Variants in G2E3 observed in about 807,000 individuals in gnomAD.
G2E3 encodes the protein G2/M phase-specific E3 ubiquitin-protein ligase.
G2E3 carries 35 observed loss-of-function variants against 92.8 expected under a neutral mutation model. The ratio of observed to expected loss-of-function variants is 0.38; its 90% CI spans 0.29 to 0.50. The LOEUF is 0.50. Ranked by LOEUF, G2E3 falls within the 20% of genes least tolerant of loss-of-function variation. The pLI is 0.94. For missense variants in G2E3, 554 were observed against 823.8 expected (o/e 0.67, Z 4.01); for synonymous variants, 242 against 272.4 (o/e 0.89, Z 1.10).
chr14:30,601,610 A>G (rs1490968244), intron 8 of G2E3, among the ~76,000 whole-genome samples, 160 bp from the exon 9 acceptor site: 1 of 152,224 alleles, frequency 6.6e-6, no homozygotes, highest in Non-Finnish European at 1.5e-5. Context: ...TTTACATTAG[A>G]GATATTTAGA....
chr14:30,610,135 G>A (rs533481496), intron 12 of G2E3, among the ~76,000 whole-genome samples: 1 of 152,018 alleles, frequency 6.6e-6, no homozygotes, highest in Non-Finnish European at 1.5e-5. Flanking sequence ...TCCAGTTTCT[G>A]TACTTTTTAT....
chr14:30,578,924 G>A lies in G2E3; in HGVS notation c.-4-2152G>A, dbSNP rs564500665. ...TGTTTAAAAGATTTTATTTTCCCTCGTTGAATTGCTTTGGTGTCTTTGTTG... is the reference window on the plus strand; with the variant it reads ...TGTTTAAAAGATTTTATTTTCCCTCATTGAATTGCTTTGGTGTCTTTGTTG... On this transcript the variant is annotated intron_variant, in intron 1 of 14. Coordinates refer to ENST00000206595, the MANE Select transcript of G2E3 (RefSeq NM_017769.5). Among the ~76,000 whole-genome samples the A allele has an allele frequency of 2.6e-5, 4 of 152,008 alleles. No individual in the cohort carries two copies. The South Asian group carries it at 6.2e-4, about 24-fold the overall frequency.
At chr14:30,569,341 A>C (rs546396191) in intron 1 of G2E3, among the ~76,000 whole-genome samples, 46 of 152,076 alleles carry the variant, frequency 3.0e-4, no homozygotes, top group Non-Finnish European at 6.2e-4. Context: ...TAAGAACCCT[A>C]ATAGGTAGGT....
At chr14:30,594,364 T>C (rs1881165642) in intron 6 of G2E3, among the ~76,000 whole-genome samples, 1 of 152,176 alleles carries the variant, frequency 6.6e-6, no homozygotes, top group Non-Finnish European at 1.5e-5. Flanking sequence ...AAGGTTATTA[T>C]TACTAATTGT....
At chr14:30,594,554 A>G (rs908167734) in intron 6 of G2E3, among the ~76,000 whole-genome samples, 13 of 151,902 alleles carry the variant, frequency 8.6e-5, no homozygotes, top group Non-Finnish European at 1.9e-4. Flanking sequence ...TTAGCCGGGC[A>G]TGGTGGCGGG....
At chr14:30,599,048 GTT>G (rs964534485) in intron 8 of G2E3, among the ~76,000 whole-genome samples, 1 of 152,128 alleles carries the variant, frequency 6.6e-6, no homozygotes, top group South Asian at 2.1e-4. Context: ...GACAGGTTTG[GTT>G]TTTTCTGAGG....
At chr14:30,566,440 A>G (rs561099761) in intron 1 of G2E3, among the ~76,000 whole-genome samples, 1 of 152,334 alleles carries the variant, frequency 6.6e-6, no homozygotes, top group Non-Finnish European at 1.5e-5. Context: ...TGTAGTTTTC[A>G]GTGCAAAAAT....
chr14:30,580,926 A>G (rs1880397671), intron 1 of G2E3, 150 bp from the exon 2 acceptor site: 1 of 595,324 alleles, frequency 1.7e-6, no homozygotes. Flanking sequence ...GTTGAGAACT[A>G]CTGATCTTAG....
chr14:30,615,255 T>G (rs1310214021), intron 13 of G2E3, 94 bp from the exon 14 acceptor site: 2 of 633,036 alleles, frequency 3.2e-6, no homozygotes, highest in Non-Finnish European at 5.3e-6. Flanking sequence ...TTAGCTGTTT[T>G]GAAAACATGC....
chr14:30,616,313 A>T lies in G2E3; in HGVS notation c.1900A>T (p.Ile634Phe), dbSNP rs765992747. The stretch of plus-strand genomic sequence containing the variant: ...TACAACAACAATGGAAGACATTCTT[A>T]TTTTTGCAACTGGTTGCAGTTCCAT... ...KSTTTMEDIL[I>F]FATGCSSIPP... Residue 634 changes from isoleucine to phenylalanine, a missense_variant, in exon 15 of 15, where the codon ATT becomes TTT. This residue lies in a region of G2E3 where 397 missense variants were observed against 560.3 expected (regional missense o/e 0.71). Coordinates refer to ENST00000206595, the MANE Select transcript of G2E3 (RefSeq NM_017769.5). The T allele has an allele frequency of 1.2e-6, 2 of 1,609,624 alleles. No homozygotes were observed. Among genetic ancestry groups the T allele is most frequent in the South Asian group, 2.2e-5 (2 of 90,878 alleles).
intron 1 of G2E3, among the ~76,000 whole-genome samples, chr14:30,578,124 G>C (rs1880223797): frequency 1.3e-5 from 2 of 151,848 alleles, no homozygotes; most frequent in Admixed American, 6.6e-5. Flanking sequence ...GTTTTGTTTT[G>C]GAGACTTGTT....
chr14:30,616,671 A>C lies in G2E3; in HGVS notation c.*137A>C, dbSNP rs1882330585. 1 of 650,142 alleles carries C rather than the reference A, an allele frequency of 1.5e-6. No individual in the cohort carries two copies. The highest frequency in any genetic ancestry group is 3.4e-5 in the Admixed American group (1 of 29,502). The allele number at this position is 650,142 out of a possible 1,614,324, so 40.3% of individuals were successfully genotyped here. ...TAATAAAATTTATGATATGAATATA[A>C]AGGAATATTATAGCCACTTAGGCTA... On this transcript the variant is annotated 3_prime_UTR_variant, in exon 15 of 15. Coordinates refer to ENST00000206595, the MANE Select transcript of G2E3 (RefSeq NM_017769.5).
At chr14:30,577,240 A>AAG (rs1008703035) in intron 1 of G2E3, among the ~76,000 whole-genome samples, 5 of 148,416 alleles carry the variant, frequency 3.4e-5, no homozygotes, top group East Asian at 3.9e-4. Context: ...AAAAAAAAAA[A>AAG]AAAGAAAAAG....
chr14:30,616,287 C>T lies in G2E3; in HGVS notation c.1874C>T (p.Ser625Phe). ...SYLQAVEDGK[S>F]TTTMEDILIF... ...TGGTAAATTTTTTCAGATGGTAAAT[C>T]TACAACAACAATGGAAGACATTCTT... The change falls in exon 15 of 15, where the codon TCT becomes TTT. Residue 625 changes from serine to phenylalanine, a missense_variant. Transcript: ENST00000206595. The T allele has an allele frequency of 6.2e-7, 1 of 1,605,478 alleles. No homozygotes were observed. Among genetic ancestry groups the T allele is most frequent in the Non-Finnish European group, 8.5e-7 (1 of 1,173,120 alleles).
chr14:30,575,774 A>G (rs1880046326), intron 1 of G2E3, among the ~76,000 whole-genome samples: 1 of 152,220 alleles, frequency 6.6e-6, no homozygotes, highest in African/African-American at 2.4e-5. Flanking sequence ...CACAGTGGCT[A>G]CAAAAAGAAT....
At chr14:30,615,288 C>A in intron 13 of G2E3, 61 bp from the exon 14 acceptor site, 1 of 826,186 alleles carries the variant, frequency 1.2e-6, no homozygotes, top group Non-Finnish European at 1.9e-6. Context: ...TGGAAATATT[C>A]CCTAATATAA....
chr14:30,598,396 AAAAG>A, intron 7 of G2E3, 83 bp from the exon 8 acceptor site: 1 of 939,080 alleles, frequency 1.1e-6, no homozygotes, highest in Non-Finnish European at 1.7e-6. Flanking sequence ...CAAGAACAAA[AAAAG>A]GTTTTTATTT....
chr14:30,613,794 A>T (rs1464698758), intron 13 of G2E3, among the ~76,000 whole-genome samples: 3 of 151,950 alleles, frequency 2.0e-5, no homozygotes, highest in Non-Finnish European at 1.5e-5. Flanking sequence ...TTTTTACTTA[A>T]CATTTTCTTT....
Position 30,605,431 on chromosome 14 carries a change from T to A in G2E3, c.1011-74T>A, listed in dbSNP as rs1881785832. 5.6e-6 allele frequency: 3 copies of A among 535,968 alleles called. No homozygotes were observed. The East Asian group carries it at 9.2e-5, about 17-fold the overall frequency. The allele number at this position is 535,968 out of a possible 1,614,324, so 33.2% of individuals were successfully genotyped here. A position where few individuals can be genotyped will look rare whatever the true frequency, so the allele number is the denominator to read the frequency against. The stretch of plus-strand genomic sequence containing the variant: ...CTTTTTTTCCCCTCGTCTTGTTTTA[T>A]TGGCTATATAACTGCTGTTTCACAT... On this transcript the variant is annotated intron_variant, in intron 10 of 14. Coordinates refer to ENST00000206595, the MANE Select transcript of G2E3 (RefSeq NM_017769.5).
Sources: allele counts gnomAD v4.1 joint callset (sites outside exome capture counted in the v4.1 genomes callset), GRCh38; gene constraint gnomAD v4.1.1; regional missense constraint gnomAD v4.1.1; transcripts MANE v1.5; gene names NCBI Gene and HGNC (gene_info 2026-07-23, HGNC 2026-07-21).